Variants in HERC2 observed in about 807,000 individuals in gnomAD.
The protein encoded by HERC2 is HECT and RLD domain containing E3 ubiquitin protein ligase 2.
In HERC2, 102 loss-of-function variants were observed where a neutral mutation model predicts 537.7. That is an observed-to-expected ratio of 0.19 (90% CI 0.16 to 0.22). HERC2 has a LOEUF of 0.22. HERC2 is among the 10% of genes least tolerant of loss of function. The pLI is 1.00. For synonymous variants in HERC2, 2,224 were observed against 2,466.2 expected, an observed-to-expected ratio of 0.90 and a Z score of 2.91; for missense variants, 4,236 against 6,198.2, an observed-to-expected ratio of 0.68 and a Z score of 10.63.
chr15:28,272,823 A>G (rs2016277), intron 8 of HERC2, 71 bp downstream of exon 8: 120,927 of 1,002,462 alleles, frequency 0.12, 18,196 homozygotes, highest in African/African-American at 0.55. Flanking sequence ...TCAGTGAAAC[A>G]CACACAATGC....
intron 66 of HERC2, 56 bp from the exon 67 acceptor site, chr15:28,168,646 AG>A (rs1894394118): frequency 2.6e-6 from 4 of 1,513,776 alleles, no homozygotes; most frequent in Non-Finnish European, 3.6e-6. Flanking sequence ...ACTGCAGCAC[AG>A]GAAGTGGAGA....
Position 28,144,526 on chromosome 15 carries a change from C to T in HERC2, c.11140+147G>A, listed in dbSNP as rs113514666. On this transcript the variant is annotated intron_variant, in intron 72 of 92. Transcript: ENST00000261609. ...GACAGATCTGTGTTCTGTTCCACGCCTCAGCAGGGCCTGTGAGAGCACTCA... is the reference window on the plus strand; with the variant it reads ...GACAGATCTGTGTTCTGTTCCACGCTTCAGCAGGGCCTGTGAGAGCACTCA... 5 of 1,112,656 alleles carry T rather than the reference C, an allele frequency of 4.5e-6. No individual in the cohort carries two copies. In the African/African-American group the frequency reaches 7.7e-5, roughly 17 times the overall value. The allele number at this position is 1,112,656 out of a possible 1,614,324, so 68.9% of individuals were successfully genotyped here.
intron 20 of HERC2, 73 bp downstream of exon 20, chr15:28,254,267 G>T: frequency 9.1e-7 from 1 of 1,098,874 alleles, no homozygotes; most frequent in South Asian, 1.5e-5. Flanking sequence ...TGGGCAACAA[G>T]AGCGAACTCT....
intron 22 of HERC2, 46 bp downstream of exon 22, chr15:28,246,696 C>G (rs770447188): frequency 2.6e-5 from 38 of 1,474,054 alleles, no homozygotes; most frequent in Non-Finnish European, 3.1e-5. Context: ...TAGCTTTCAT[C>G]TATCTCCTAA....
At chr15:28,147,657 A>T (rs1471131361) in intron 70 of HERC2, among the ~76,000 whole-genome samples, 1 of 152,100 alleles carries the variant, frequency 6.6e-6, no homozygotes, top group Admixed American at 6.5e-5. Flanking sequence ...ACCTCATTCT[A>T]AAAGTTGAAG....
At chr15:28,277,467 A>AC (rs1344729945) in intron 5 of HERC2, among the ~76,000 whole-genome samples, 1 of 147,800 alleles carries the variant, frequency 6.8e-6, no homozygotes, top group African/African-American at 2.7e-5. Flanking sequence ...ATTATCTAAA[A>AC]AAAAAAAAAA....
Position 28,111,997 on chromosome 15 carries a change from A to C in HERC2, c.14271T>G (p.Pro4757=). 4 of 1,613,986 alleles carry C rather than the reference A, an allele frequency of 2.5e-6. No homozygotes were observed. The highest frequency in any genetic ancestry group is 3.4e-6 in the Non-Finnish European group (4 of 1,179,954). Residue 4757 remains proline, a synonymous_variant, in exon 93 of 93, where the codon CCT becomes CCG. Transcript: ENST00000261609. ...GCAAGAAGAAACAGGTGTAGGACTC[A>C]GGGAGGAAGTGGTCTGGAGGGTTGT... ...DKYNPPDHFL[P]ESYTCFFLLK...
chr15:28,307,734 T>C (rs143768975), intron 2 of HERC2, among the ~76,000 whole-genome samples: 2,862 of 152,250 alleles, frequency 0.019, 48 homozygotes, highest in African/African-American at 0.065. Context: ...AACTTTTATA[T>C]GGCAAAAGAG....
intron 38 of HERC2, among the ~76,000 whole-genome samples, chr15:28,217,340 CCCACACAA>C (rs1427080652): frequency 2.0e-5 from 3 of 152,172 alleles, no homozygotes; most frequent in Admixed American, 2.0e-4. Context: ...TGGACACACA[CCCACACAA>C]CCACATGCTA....
chr15:28,179,360 T>C lies in HERC2; in HGVS notation c.8938-137A>G, dbSNP rs893482501. 1.6e-5 allele frequency: 11 copies of C among 700,092 alleles called. No homozygotes were observed. The African/African-American group carries it at 1.8e-4, about 11-fold the overall frequency. 43.4% of individuals were successfully genotyped at this position (700,092 alleles called of 1,614,324 possible). ...ACATTTCACTCAACCACAGGCTACA[T>C]ATACGATGGCAGTCCCAGTAGATTA... On this transcript the variant is annotated intron_variant, in intron 57 of 92. Transcript: ENST00000261609.
At chr15:28,238,273 A>G in intron 24 of HERC2, 56 bp from the exon 25 acceptor site, 1 of 1,258,734 alleles carries the variant, frequency 7.9e-7, no homozygotes. Context: ...CTGAAGAGAT[A>G]TAGGAGAAAC....
intron 3 of HERC2, among the ~76,000 whole-genome samples, chr15:28,293,735 C>T (rs1596410872): frequency 6.6e-6 from 1 of 152,048 alleles, no homozygotes; most frequent in Admixed American, 6.6e-5. Flanking sequence ...TTTACAAGGC[C>T]CTACTCCACT....
chr15:28,279,999 T>A, intron 5 of HERC2, 69 bp downstream of exon 5: 1 of 1,274,748 alleles, frequency 7.8e-7, no homozygotes, highest in Non-Finnish European at 1.1e-6. Flanking sequence ...ACCTTAAACT[T>A]TCTGAAACAA....
chr15:28,136,115 A>G (rs8041145), intron 78 of HERC2, among the ~76,000 whole-genome samples: 1 of 151,722 alleles, frequency 6.6e-6, no homozygotes, highest in Non-Finnish European at 1.5e-5. Context: ...ATAAACCACA[A>G]GGGAAAAAAC....
At chr15:28,249,279 G>A (rs951560130) in intron 20 of HERC2, among the ~76,000 whole-genome samples, 1 of 152,182 alleles carries the variant, frequency 6.6e-6, no homozygotes, top group Admixed American at 6.5e-5. Flanking sequence ...GCACTGGGGT[G>A]GGCCATGCAG....
chr15:28,306,595 G>A (rs1269900981), intron 2 of HERC2, among the ~76,000 whole-genome samples: 1 of 152,148 alleles, frequency 6.6e-6, no homozygotes, highest in African/African-American at 2.4e-5. Flanking sequence ...CAATAAGTTT[G>A]GATGTATTCC....
chr15:28,314,440 G>T (rs2077027818), intron 2 of HERC2, among the ~76,000 whole-genome samples: 2 of 152,144 alleles, frequency 1.3e-5, no homozygotes, highest in South Asian at 4.1e-4. Context: ...AGTCAGCTAA[G>T]TGTGATTTTA....
intron 23 of HERC2, among the ~76,000 whole-genome samples, chr15:28,242,330 A>G (rs1903213112): frequency 6.6e-6 from 1 of 152,220 alleles, no homozygotes; most frequent in East Asian, 1.9e-4. Context: ...AGAAAAGAAT[A>G]GGCAGGAACA....
chr15:28,192,139 A>G lies in HERC2; in HGVS notation c.8273T>C (p.Val2758Ala), dbSNP rs548418055. 252 of 1,612,910 alleles carry G rather than the reference A, an allele frequency of 1.6e-4. 8 individuals are homozygous for G. In the South Asian group the frequency reaches 2.6e-3, roughly 17 times the overall value. The change falls in exon 53 of 93, where the codon GTA becomes GCA. Residue 2758 changes from valine to alanine, a missense_variant. Transcript: ENST00000261609. The stretch of plus-strand genomic sequence containing the variant: ...CTGTTTTCCAGAACGGCCACAAAAT[A>G]CCGCAGACTGACCTATTTCGTGATA... ...GRINEPGQSA[V>A]FCGRSGKQLK...
Sources: allele counts gnomAD v4.1 joint callset (sites outside exome capture counted in the v4.1 genomes callset), GRCh38; gene constraint gnomAD v4.1.1; transcripts MANE v1.5; gene names NCBI Gene and HGNC (gene_info 2026-07-23, HGNC 2026-07-21).